CASP6: variants seen among roughly 807,000 people sequenced by gnomAD.
CASP6 encodes the protein caspase 6.
A neutral mutation model predicts 31.8 loss-of-function variants in CASP6; 20 were observed. That is an observed-to-expected ratio of 0.63 (90% CI 0.44 to 0.91). CASP6 has a LOEUF of 0.91. Ranked by LOEUF, CASP6 falls within the 40% of genes least tolerant of loss-of-function variation. The probability of loss-of-function intolerance (pLI) is 0.00; values close to 1 mark genes in which losing one functional copy is unlikely to be tolerated. For synonymous variants in CASP6, 130 were observed against 127.8 expected (o/e 1.02, Z -0.12); for missense variants, 328 against 361.1 (o/e 0.91, Z 0.74).
downstream of CASP6, chr4:109,684,902 C>T (rs1729802437): frequency 2.5e-6 from 1 of 396,372 alleles, no homozygotes; most frequent in Non-Finnish European, 4.5e-6. Context: ...TCTCTGTGCC[C>T]TCATTTATAA....
At chr4:109,705,397 A>G (rs1377505199), upstream of CASP6, among the ~76,000 whole-genome samples, 1 of 152,246 alleles carries the variant, frequency 6.6e-6, no homozygotes, top group Non-Finnish European at 1.5e-5. Flanking sequence ...AGAGATGTAC[A>G]GAGACTGATG....
intron 3 of CASP6, 61 bp downstream of exon 3, chr4:109,697,561 C>T: frequency 2.0e-6 from 3 of 1,534,080 alleles, no homozygotes; most frequent in Non-Finnish European, 2.6e-6. Context: ...ACCACCACAC[C>T]TGGCCAAAAG....
intron 4 of CASP6, among the ~76,000 whole-genome samples, chr4:109,695,929 A>C (rs1730225640): frequency 6.6e-6 from 1 of 152,156 alleles, no homozygotes; most frequent in Admixed American, 6.6e-5. Context: ...AATTATGCAA[A>C]TATAATGGTT....
intron 4 of CASP6, among the ~76,000 whole-genome samples, chr4:109,695,851 G>A (rs1730222736): frequency 6.6e-6 from 1 of 152,090 alleles, no homozygotes; most frequent in Non-Finnish European, 1.5e-5. Context: ...AAGTAGAAAA[G>A]CTGGTAAAAG....
At chr4:109,665,993 A>G in the CASP6 span, among the ~76,000 whole-genome samples, 2,979 of 152,132 alleles carry the variant, frequency 0.02, 115 homozygotes, top group African/African-American at 0.067. Flanking sequence ...GAAGGGGGAA[A>G]GGAAGAGAGA....
At chr4:109,706,960 G>A (rs1204555014), upstream of CASP6, among the ~76,000 whole-genome samples, 2 of 152,070 alleles carry the variant, frequency 1.3e-5, no homozygotes, top group African/African-American at 2.4e-5. Context: ...TTAAGAGATT[G>A]CCAGTCATCC....
At chr4:109,697,850 T>C (rs5030552) in intron 2 of CASP6, 82 bp from the exon 3 acceptor site, 125,431 of 1,473,720 alleles carry the variant, frequency 0.085, 5,903 homozygotes, top group Middle Eastern at 0.16. Flanking sequence ...AACATGTAGA[T>C]AGAGATCTGA....
chr4:109,669,413 G>T, the CASP6 span, among the ~76,000 whole-genome samples: 123 of 151,958 alleles, frequency 8.1e-4, no homozygotes, highest in Non-Finnish European at 1.4e-3. Context: ...ATAGCTAAGG[G>T]TTCCCCCCTT....
At chr4:109,670,440 AG>A in the CASP6 span, among the ~76,000 whole-genome samples, 1 of 152,308 alleles carries the variant, frequency 6.6e-6, no homozygotes, top group South Asian at 2.1e-4. Context: ...GAATTTGGCC[AG>A]GCGCAGTGGT....
the CASP6 span, among the ~76,000 whole-genome samples, chr4:109,709,764 T>C: frequency 6.6e-6 from 1 of 152,218 alleles, no homozygotes; most frequent in East Asian, 1.9e-4. Context: ...TTAAAAATTT[T>C]GGTCACTGAT....
At chr4:109,676,078 T>C in the CASP6 span, among the ~76,000 whole-genome samples, 6 of 152,186 alleles carry the variant, frequency 3.9e-5, no homozygotes, top group African/African-American at 1.4e-4. Flanking sequence ...AATTTGGTAA[T>C]GGGCAAAGGC....
At chr4:109,666,892 A>G in the CASP6 span, among the ~76,000 whole-genome samples, 1 of 152,160 alleles carries the variant, frequency 6.6e-6, no homozygotes, top group Non-Finnish European at 1.5e-5. Context: ...GATGGATTAC[A>G]TGAATTCATA....
rs777443610 is a variant in CASP6, at chr4:109,689,467, G to C, written c.745C>G (p.Leu249Val). The C allele has an allele frequency of 6.2e-7, 1 of 1,613,386 alleles. No individual in the cohort carries two copies. Among genetic ancestry groups the C allele is most frequent in the Non-Finnish European group, 8.5e-7 (1 of 1,180,018 alleles). The part of the protein sequence containing the change: ...YGSSLEFTEL[L>V]TLVNRKVSQR... ...GAAACTTTCCTGTTCACCAGTGTGAGGAGTTCTGTGAACTCTAAGGAGGAG... is the reference window on the plus strand; with the variant it reads ...GAAACTTTCCTGTTCACCAGTGTGACGAGTTCTGTGAACTCTAAGGAGGAG... The change falls in exon 7 of 7, where the codon CTC (leucine) becomes GTC (valine). Residue 249 changes from leucine to valine, a missense_variant. Physicochemically the swap from Leu to Val is conservative, Grantham distance 32. Transcript: ENST00000265164.
rs58006820 is a variant in CASP6 at position 109,699,560 on chromosome 4, A to T, written c.41-1218T>A. On this transcript the variant is annotated intron_variant, in intron 1 of 6. Transcript: ENST00000265164. The stretch of plus-strand genomic sequence containing the variant: ...AGTTTTGCTCAACCTTGGGCATCAG[A>T]ATTCCTGGTGTGCATGTTAAAATGC... 3.6e-3 allele frequency among the ~76,000 whole-genome samples: 555 copies of T among 152,338 alleles called. 1 individual carries two copies. The highest frequency in any genetic ancestry group is 0.013 in the African/African-American group (530 of 41,566).
At chr4:109,667,228 T>C in the CASP6 span, among the ~76,000 whole-genome samples, 1 of 152,176 alleles carries the variant, frequency 6.6e-6, no homozygotes, top group Non-Finnish European at 1.5e-5. Context: ...TGGTGCTTTC[T>C]GTTTTGGAAA....
downstream of CASP6, chr4:109,687,773 A>T: frequency 1.7e-6 from 1 of 583,702 alleles, no homozygotes; most frequent in East Asian, 2.9e-5. Flanking sequence ...ATGACTTGCT[A>T]ATGTTAGAAA....
upstream of CASP6, among the ~76,000 whole-genome samples, chr4:109,707,879 C>T (rs2126164471): frequency 6.6e-6 from 1 of 152,280 alleles, no homozygotes; most frequent in Middle Eastern, 3.4e-3. Flanking sequence ...TTTAATTTAG[C>T]TCCTCCTTGG....
At chr4:109,670,647 C>T in the CASP6 span, among the ~76,000 whole-genome samples, 23 of 151,538 alleles carry the variant, frequency 1.5e-4, no homozygotes, top group East Asian at 3.9e-4. Flanking sequence ...ACCCGGAAGG[C>T]GGAAGCTGCA....
At chr4:109,703,498 T>G, upstream of CASP6, 4 of 1,449,002 alleles carry the variant, frequency 2.8e-6, no homozygotes, top group Non-Finnish European at 2.8e-6. Flanking sequence ...CCCCGCCCCC[T>G]GCCCCCGAGC....
Sources: allele counts gnomAD v4.1 joint callset (sites outside exome capture counted in the v4.1 genomes callset), GRCh38; gene constraint gnomAD v4.1.1; transcripts MANE v1.5; gene names NCBI Gene and HGNC (gene_info 2026-07-23, HGNC 2026-07-21).